ALG11: variants seen among roughly 807,000 people sequenced by gnomAD.
ALG11 encodes the protein GDP-Man:Man(3)GlcNAc(2)-PP-Dol alpha-1,2-mannosyltransferase.
A neutral mutation model predicts 38.8 loss-of-function variants in ALG11; 26 were observed. The ratio of observed to expected loss-of-function variants is 0.67; its 90% confidence interval spans 0.49 to 0.93. The LOEUF is 0.93. Ranked by LOEUF, ALG11 falls within the 40% of genes least tolerant of loss-of-function variation. ALG11 has a pLI of 0.00. For synonymous variants in ALG11, 199 were observed against 211.6 expected (o/e 0.94, Z 0.52); for missense variants, 535 against 578.8 (o/e 0.92, Z 0.78).
At position 52,029,698 on chromosome 13, in the gene ALG11, C is replaced by A; in HGVS notation, c.*1108C>A. ...TGATGGAAAGAATGAGCCTTAAGCA[C>A]CAAAACAGTGGGAAATGGGCCAAGT... On this transcript the variant is annotated 3_prime_UTR_variant, in exon 4 of 4. Coordinates refer to ENST00000521508, the MANE Select transcript of ALG11 (RefSeq NM_001004127.3). 1.9e-6 allele frequency: 3 copies of A among 1,614,122 alleles called. No individual in the cohort carries two copies. Among genetic ancestry groups the A allele is most frequent in the Non-Finnish European group, 2.5e-6 (3 of 1,180,020 alleles).
chr13:52,019,003 G>T lies in ALG11; in HGVS notation c.135G>T (p.Leu45=). 2 of 1,613,940 alleles carry T rather than the reference G, an allele frequency of 1.2e-6. No homozygotes were observed. The highest frequency in any genetic ancestry group is 1.7e-6 in the Non-Finnish European group (2 of 1,179,980). Residue 45 remains leucine, a synonymous_variant, in exon 2 of 4, where the codon CTG becomes CTT. Transcript: ENST00000521508. ...LVIVLWGIRL[L]LQRKKKLVST... ...TTGTCCTTTGGGGAATCAGACTGCT[G>T]CTACAGAGAAAGAAAAAATTAGTGT...
intron 3 of ALG11, among the ~76,000 whole-genome samples, chr13:52,025,366 C>T (rs953862659): frequency 6.6e-6 from 1 of 152,200 alleles, no homozygotes; most frequent in Non-Finnish European, 1.5e-5. Flanking sequence ...AACCCCACTA[C>T]ATACTTACTG....
At position 52,029,434 on chromosome 13, in the gene ALG11, T is replaced by G; in HGVS notation, c.*844T>G. The G allele has an allele frequency of 6.2e-7, 1 of 1,614,026 alleles. No individual in the cohort carries two copies. Among genetic ancestry groups the G allele is most frequent in the Non-Finnish European group, 8.5e-7 (1 of 1,180,020 alleles). On this transcript the variant is annotated 3_prime_UTR_variant, in exon 4 of 4. Coordinates refer to ENST00000521508, the MANE Select transcript of ALG11 (RefSeq NM_001004127.3). ...TACTGACTCCCATGGAAAAGGCCTC[T>G]CTCCAAGCCATGAGCCTGGAAGAGG...
Position 52,030,015 on chromosome 13 carries a change from C to G in ALG11, c.*1425C>G. 2 of 1,614,198 alleles carry G rather than the reference C, an allele frequency of 1.2e-6. No homozygotes were observed. Among genetic ancestry groups the G allele is most frequent in the Non-Finnish European group, 1.7e-6 (2 of 1,180,034 alleles). On this transcript the variant is annotated 3_prime_UTR_variant, in exon 4 of 4. Transcript: ENST00000521508. ...GAGCTTGCAGCTCATGAGGTTTCTGCAAGTGAGGCAGAAGAAAGACCAGTG... is the reference window on the plus strand; with the variant it reads ...GAGCTTGCAGCTCATGAGGTTTCTGGAAGTGAGGCAGAAGAAAGACCAGTG...
Position 52,024,102 on chromosome 13 carries a change from A to C in ALG11, c.372A>C (p.Leu124Phe). 6.2e-7 allele frequency: 1 copy of C among 1,614,126 alleles called. No homozygotes were observed. Among genetic ancestry groups the C allele is most frequent in the Non-Finnish European group, 8.5e-7 (1 of 1,180,004 alleles). The change falls in exon 3 of 4, where the codon TTA becomes TTC. Residue 124 changes from leucine (L) to phenylalanine (F), a missense_variant. By Grantham distance (22) the Leu-to-Phe change is conservative. Coordinates refer to ENST00000521508, the MANE Select transcript of ALG11 (RefSeq NM_001004127.3). ...CTTTCAGAAGATTTAACATCAGATT[A>C]ATTCACCCAGTGCAGTTTGTTTTTT... is the stretch of plus-strand genomic sequence containing the variant. The part of the protein sequence containing the change: ...EGAFRRFNIR[L>F]IHPVQFVFLR...
chr13:52,024,364 A>T lies in ALG11; in HGVS notation c.634A>T (p.Asn212Tyr), dbSNP rs201671828. The change falls in exon 3 of 4, where the codon AAT becomes TAT. Residue 212 changes from asparagine (N) to tyrosine (Y), a missense_variant. Coordinates refer to ENST00000521508, the MANE Select transcript of ALG11 (RefSeq NM_001004127.3). ...ISTDMLSVVK[N>Y]QNIGFNNAAF... ...CACCGACATGCTCTCTGTAGTGAAG[A>T]ATCAAAATATTGGATTTAATAATGC... The T allele has an allele frequency of 5.6e-6, 9 of 1,614,108 alleles. No individual in the cohort carries two copies. The Admixed American group carries it at 1.0e-4, about 18-fold the overall frequency.
chr13:52,012,596 C>A, intron 1 of ALG11, 134 bp downstream of exon 1: 1 of 1,240,886 alleles, frequency 8.1e-7, no homozygotes, highest in Non-Finnish European at 1.1e-6. Flanking sequence ...GGCCAATGAG[C>A]AGTCTTTCTT....
In ALG11 at chr13:52,018,828, A is replaced by G. The variant is rs1954157818; in HGVS notation, c.45-85A>G. 4.6e-6 allele frequency: 5 copies of G among 1,083,090 alleles called. No individual in the cohort carries two copies. In the African/African-American group the frequency reaches 4.7e-5, roughly 10 times the overall value. The allele number at this position is 1,083,090 out of a possible 1,614,324, so 67.1% of individuals were successfully genotyped here. ...TTCTCTCTTTGTTACTAATATATAAAGTAGATATGTAAAAGCAGACTTTAA... is the reference window on the plus strand; with the variant it reads ...TTCTCTCTTTGTTACTAATATATAAGGTAGATATGTAAAAGCAGACTTTAA... On this transcript the variant is annotated intron_variant, in intron 1 of 3. Transcript: ENST00000521508.
In ALG11 at chr13:52,031,251, C is replaced by A; in HGVS notation, c.*2661C>A. 1 of 1,194,744 alleles carries A rather than the reference C, an allele frequency of 8.4e-7. No homozygotes were observed. The highest frequency in any genetic ancestry group is 1.1e-6 in the Non-Finnish European group (1 of 869,836). The allele number at this position is 1,194,744 out of a possible 1,614,324, so 74.0% of individuals were successfully genotyped here. On this transcript the variant is annotated 3_prime_UTR_variant, in exon 4 of 4. Transcript: ENST00000521508. ...TTTTTTAAAAAAAGAAAATGGATGACCATTAATTGACTAGCATTTTAGAAT... is the reference window on the plus strand; with the variant it reads ...TTTTTTAAAAAAAGAAAATGGATGAACATTAATTGACTAGCATTTTAGAAT...
chr13:52,019,099 A>AGG lies in ALG11; in HGVS notation c.232_233dup (p.Arg80LysfsTer8). 1 of 1,612,844 alleles carries AGG rather than the reference A, an allele frequency of 6.2e-7. No homozygotes were observed. The highest frequency in any genetic ancestry group is 8.5e-7 in the Non-Finnish European group (1 of 1,179,264). On this transcript the variant is annotated frameshift_variant, in exon 2 of 4. Transcript: ENST00000521508. LOFTEE classifies it high-confidence loss of function. Reference sequence around the variant, plus strand: ...ATCCATACTGCAATGCTGGTGGAGGAGGAGAAAGAGTTTTATGGTGTGCTT... The same window carrying AGG: ...ATCCATACTGCAATGCTGGTGGAGGAGGGGAGAAAGAGTTTTATGGTGTGCTT...
In ALG11 at chr13:52,029,621, G is replaced by T; in HGVS notation, c.*1031G>T. ...AAAAGAGTTTGAGCAGCTACAGAAG[G>T]TTAATCCAACTGTGGCACTGGAAGA... On this transcript the variant is annotated 3_prime_UTR_variant, in exon 4 of 4. Transcript: ENST00000521508. 6.2e-7 allele frequency: 1 copy of T among 1,614,224 alleles called. No individual in the cohort carries two copies. The highest frequency in any genetic ancestry group is 8.5e-7 in the Non-Finnish European group (1 of 1,180,048).
At chr13:52,023,958 C>G (rs373497332) in intron 2 of ALG11, 48 bp from the exon 3 acceptor site, 626 of 1,585,058 alleles carry the variant, frequency 3.9e-4, no homozygotes, top group Non-Finnish European at 5.2e-4. Flanking sequence ...CCGTGTCTGG[C>G]TAATTTTTGT....
chr13:52,024,328 CCTA>C lies in ALG11; in HGVS notation c.602_604del (p.Thr201del). On this transcript the variant is annotated inframe_deletion, in exon 3 of 4. Coordinates refer to ENST00000521508, the MANE Select transcript of ALG11 (RefSeq NM_001004127.3). ...CCAAGTTGGAAGCTATGTTCATTAT[CCTA>C]CTATCAGCACCGACATGCTCTCTGT... The C allele has an allele frequency of 3.1e-6, 5 of 1,614,140 alleles. No homozygotes were observed. The highest frequency in any genetic ancestry group is 3.4e-6 in the Non-Finnish European group (4 of 1,180,020).
rs560546661 is a variant in ALG11 at position 52,027,666 on chromosome 13, T to C, written c.1208-653T>C. On this transcript the variant is annotated intron_variant, in intron 3 of 3. Coordinates refer to ENST00000521508, the MANE Select transcript of ALG11 (RefSeq NM_001004127.3). The stretch of plus-strand genomic sequence containing the variant: ...ATTTGGCAGAAACTAACCACAACTT[T>C]CATTTAGTTCAGCACTGTTGTTGGG... Among the ~76,000 whole-genome samples the C allele has an allele frequency of 4.3e-4, 65 of 152,314 alleles. 1 individual carries two copies. The South Asian group carries it at 0.013, about 31-fold the overall frequency.
At chr13:52,021,479 A>G (rs1593901128) in intron 2 of ALG11, 1 of 152,312 alleles carries the variant, frequency 6.6e-6, no homozygotes, top group East Asian at 1.9e-4. Flanking sequence ...GGCGTGTTAA[A>G]AAAAAAGAAT....
Position 52,031,259 on chromosome 13 carries a change from T to G in ALG11, c.*2669T>G. 1 of 1,134,234 alleles carries G rather than the reference T, an allele frequency of 8.8e-7. No homozygotes were observed. Among genetic ancestry groups the G allele is most frequent in the East Asian group, 2.6e-5 (1 of 38,766 alleles). 70.3% of individuals were successfully genotyped at this position (1,134,234 alleles called of 1,614,324 possible). A position where few individuals can be genotyped will look rare whatever the true frequency, so the allele number is the denominator to read the frequency against. On this transcript the variant is annotated 3_prime_UTR_variant, in exon 4 of 4. Coordinates refer to ENST00000521508, the MANE Select transcript of ALG11 (RefSeq NM_001004127.3). Reference sequence around the variant, plus strand: ...AAAAAGAAAATGGATGACCATTAATTGACTAGCATTTTAGAATTGATCAGA... The same window carrying G: ...AAAAAGAAAATGGATGACCATTAATGGACTAGCATTTTAGAATTGATCAGA...
chr13:52,022,075 T>C (rs922927762), intron 2 of ALG11: 2 of 152,188 alleles, frequency 1.3e-5, no homozygotes, highest in Admixed American at 6.5e-5. Context: ...ATCAAAGAAT[T>C]TGTGGCCCGT....
chr13:52,030,726 G>C lies in ALG11; in HGVS notation c.*2136G>C. 2 of 1,614,234 alleles carry C rather than the reference G, an allele frequency of 1.2e-6. No individual in the cohort carries two copies. The highest frequency in any genetic ancestry group is 1.7e-6 in the Non-Finnish European group (2 of 1,180,046). On this transcript the variant is annotated 3_prime_UTR_variant, in exon 4 of 4. Transcript: ENST00000521508. Reference sequence around the variant, plus strand: ...TGGGGTGGTGTGGGCCTAAAGCCCAGTGCCAAGAAAAGACGCCAGTTTCTC... The same window carrying C: ...TGGGGTGGTGTGGGCCTAAAGCCCACTGCCAAGAAAAGACGCCAGTTTCTC...
In ALG11 at chr13:52,028,570, G is replaced by A. The variant is rs906301474; in HGVS notation, c.1459G>A (p.Val487Met). Residue 487 changes from valine (V) to methionine (M), a missense_variant, in exon 4 of 4, where the codon GTG becomes ATG. Coordinates refer to ENST00000521508, the MANE Select transcript of ALG11 (RefSeq NM_001004127.3). ...ATTTGAAGTGACATTCCTATCATCT[G>A]TGGAAAAGTTATTTAAGTAATGCCA... ...QEFEVTFLSSVEKLFK is the reference protein window; with the variant it reads ...QEFEVTFLSSMEKLFK The A allele has an allele frequency of 3.7e-6, 6 of 1,614,118 alleles. No homozygotes were observed. Among genetic ancestry groups the A allele is most frequent in the Non-Finnish European group, 5.1e-6 (6 of 1,179,970 alleles).
Sources: allele counts gnomAD v4.1 joint callset (sites outside exome capture counted in the v4.1 genomes callset), GRCh38; gene constraint gnomAD v4.1.1; transcripts MANE v1.5; gene names NCBI Gene and HGNC (gene_info 2026-07-23, HGNC 2026-07-21).